The following CHRM3 variants were observed in gnomAD, a reference collection of about 807,000 sequenced individuals.
The protein encoded by CHRM3 is cholinergic receptor muscarinic 3, also known as muscarinic acetylcholine receptor M3.
CHRM3 carries 11 observed loss-of-function variants against 41.8 expected under a neutral mutation model. That is an observed-to-expected ratio of 0.26 (90% confidence interval 0.17 to 0.44). The LOEUF (loss-of-function observed/expected upper bound fraction) is 0.44. Ranked by LOEUF, CHRM3 falls within the 20% of genes least tolerant of loss-of-function variation. CHRM3 has a pLI of 1.00. For missense variants in CHRM3, 571 were observed against 745.4 expected (o/e 0.77, Z 2.72); for synonymous variants, 297 against 301.4 (o/e 0.99, Z 0.15).
chr1:239,529,936 CG>C (rs1558293325), intron 2 of CHRM3, among the ~76,000 whole-genome samples: 1 of 151,906 alleles, frequency 6.6e-6, no homozygotes, highest in Non-Finnish European at 1.5e-5. Context: ...CTCGCTCTGT[CG>C]CCCAGGCTGG....
intron 5 of CHRM3, among the ~76,000 whole-genome samples, chr1:239,755,547 C>T (rs1666173091): frequency 6.6e-6 from 1 of 152,102 alleles, no homozygotes; most frequent in Non-Finnish European, 1.5e-5. Context: ...TCAGATTGAC[C>T]ACAAAAGGAG....
intron 1 of CHRM3, among the ~76,000 whole-genome samples, chr1:239,470,320 C>T (rs1666026440): frequency 1.3e-5 from 2 of 152,272 alleles, no homozygotes; most frequent in Admixed American, 1.3e-4. Context: ...GAAGAAACCA[C>T]TACTGCCCAC....
chr1:239,742,932 T>C (rs1664989018), intron 5 of CHRM3, among the ~76,000 whole-genome samples: 1 of 152,194 alleles, frequency 6.6e-6, no homozygotes, highest in Non-Finnish European at 1.5e-5. Flanking sequence ...CTAATCTTCA[T>C]CTACTGAAGA....
At chr1:239,700,609 A>G (rs536818780) in intron 5 of CHRM3, among the ~76,000 whole-genome samples, 2 of 152,220 alleles carry the variant, frequency 1.3e-5, no homozygotes, top group South Asian at 2.1e-4. Context: ...CCCCTGCAGC[A>G]TATGCCTTTA....
intron 3 of CHRM3, among the ~76,000 whole-genome samples, chr1:239,563,144 G>T (rs1008313776): frequency 2.6e-5 from 4 of 151,860 alleles, no homozygotes; most frequent in Admixed American, 6.6e-5. Flanking sequence ...AGGTTTCACT[G>T]CCTTCTCAAG....
Position 239,913,372 on chromosome 1 carries a change from C to G in CHRM3, c.*4148C>G, listed in dbSNP as rs1353099213. The G allele has an allele frequency of 6.0e-6, 1 of 166,940 alleles. No homozygotes were observed. Among genetic ancestry groups the G allele is most frequent in the Non-Finnish European group, 1.5e-5 (1 of 68,096 alleles). 10.3% of individuals were successfully genotyped at this position (166,940 alleles called of 1,614,324 possible). On this transcript the variant is annotated 3_prime_UTR_variant, in exon 7 of 7. Coordinates refer to ENST00000676153, the MANE Select transcript of CHRM3 (RefSeq NM_001375978.1). ...GTTATTTTTTTTTAACCTAAAGAACCCTACTTCTAGCACCTCCTCTGAAAG... is the reference window on the plus strand; with the variant it reads ...GTTATTTTTTTTTAACCTAAAGAACGCTACTTCTAGCACCTCCTCTGAAAG...
At chr1:239,424,611 A>C (rs2103121388) in intron 1 of CHRM3, among the ~76,000 whole-genome samples, 1 of 152,358 alleles carries the variant, frequency 6.6e-6, no homozygotes, top group South Asian at 2.1e-4. Context: ...GTAACTGATA[A>C]ATTCTACAAA....
At chr1:239,492,304 C>A (rs1019368527) in intron 1 of CHRM3, among the ~76,000 whole-genome samples, 2 of 152,118 alleles carry the variant, frequency 1.3e-5, no homozygotes, top group Non-Finnish European at 1.5e-5. Context: ...CTGTTATGAC[C>A]CCTTTCTTCC....
intron 6 of CHRM3, among the ~76,000 whole-genome samples, chr1:239,838,197 GAAGAAAGGGGT>G (rs1673486542): frequency 6.6e-6 from 1 of 152,162 alleles, no homozygotes; most frequent in Non-Finnish European, 1.5e-5. Context: ...TATTTGGACT[GAAGAAAGGGGT>G]CTATCAGTGA....
rs1457838883 is a variant in CHRM3, at chr1:239,748,357, C to T, written c.-147+70069C>T. ...TACGATGCAGTCAGAATCTTATTGACACTTCTTTTTTAACTCTCAGACTGA... is the reference window on the plus strand; with the variant it reads ...TACGATGCAGTCAGAATCTTATTGATACTTCTTTTTTAACTCTCAGACTGA... On this transcript the variant is annotated intron_variant, in intron 5 of 6. Coordinates refer to ENST00000676153, the MANE Select transcript of CHRM3 (RefSeq NM_001375978.1). The surrounding 1 kb of genome is among the most constrained non-coding windows in gnomAD (Gnocchi z 4.3). Among the ~76,000 whole-genome samples, 1 of 152,128 alleles carries T rather than the reference C, an allele frequency of 6.6e-6. No individual in the cohort carries two copies. Among genetic ancestry groups the T allele is most frequent in the East Asian group, 1.9e-4 (1 of 5,192 alleles).
chr1:239,391,923 C>T (rs1290296142), intron 1 of CHRM3, among the ~76,000 whole-genome samples: 3 of 152,180 alleles, frequency 2.0e-5, no homozygotes, highest in Non-Finnish European at 4.4e-5. Flanking sequence ...ACAACCAGTG[C>T]AGAGTCTGTC....
At chr1:239,511,249 A>G (rs946259059) in intron 2 of CHRM3, among the ~76,000 whole-genome samples, 6 of 152,212 alleles carry the variant, frequency 3.9e-5, no homozygotes, top group Non-Finnish European at 8.8e-5. Flanking sequence ...TAATACTACC[A>G]ATAATTTGAA....
chr1:239,796,781 G>A (rs536613443), intron 5 of CHRM3, among the ~76,000 whole-genome samples: 14 of 152,230 alleles, frequency 9.2e-5, no homozygotes, highest in African/African-American at 3.4e-4. Flanking sequence ...TGGGCTTTTA[G>A]TGTGTCCCTC....
intron 5 of CHRM3, among the ~76,000 whole-genome samples, chr1:239,692,590 G>C (rs1168015356): frequency 6.6e-6 from 1 of 152,160 alleles, no homozygotes; most frequent in Non-Finnish European, 1.5e-5. Context: ...AATTTGAAGA[G>C]GGTTTGCAGG....
chr1:239,411,596 G>T (rs1661067447), intron 1 of CHRM3, among the ~76,000 whole-genome samples: 2 of 151,750 alleles, frequency 1.3e-5, no homozygotes, highest in African/African-American at 4.8e-5. Flanking sequence ...CTGGTGGCAT[G>T]CACATACAAT....
intron 4 of CHRM3, among the ~76,000 whole-genome samples, chr1:239,641,199 T>A (rs199653394): frequency 6.6e-6 from 1 of 152,184 alleles, no homozygotes; most frequent in East Asian, 1.9e-4. Context: ...GTGGTCAATT[T>A]TGGAATCGGT....
chr1:239,704,686 T>C (rs1486544949), intron 5 of CHRM3: 2 of 152,160 alleles, frequency 1.3e-5, no homozygotes, highest in Non-Finnish European at 2.9e-5. Context: ...CGAGGCTTAT[T>C]TATTGCCAGA....
chr1:239,749,547 A>G (rs1377834602), intron 5 of CHRM3, among the ~76,000 whole-genome samples: 1 of 152,126 alleles, frequency 6.6e-6, no homozygotes, highest in Non-Finnish European at 1.5e-5. Flanking sequence ...ACGTGCCTGT[A>G]ATCACAGCTG....
rs1680472068 is a variant in CHRM3, at chr1:239,913,397, G to T, written c.*4173G>T. 6.0e-6 allele frequency: 1 copy of T among 166,992 alleles called. No homozygotes were observed. The highest frequency in any genetic ancestry group is 1.5e-5 in the Non-Finnish European group (1 of 68,096). The allele number at this position is 166,992 out of a possible 1,614,324, so 10.3% of individuals were successfully genotyped here. A position where few individuals can be genotyped will look rare whatever the true frequency, so the allele number is the denominator to read the frequency against. On this transcript the variant is annotated 3_prime_UTR_variant, in exon 7 of 7. Coordinates refer to ENST00000676153, the MANE Select transcript of CHRM3 (RefSeq NM_001375978.1). ...CCTACTTCTAGCACCTCCTCTGAAAGAATATTTTGCTCCAATACCACGTGC... is the reference window on the plus strand; with the variant it reads ...CCTACTTCTAGCACCTCCTCTGAAATAATATTTTGCTCCAATACCACGTGC...
Sources: allele counts gnomAD v4.1 joint callset (sites outside exome capture counted in the v4.1 genomes callset), GRCh38; gene constraint gnomAD v4.1.1; non-coding constraint Gnocchi (gnomAD v3.1); transcripts MANE v1.5; gene names NCBI Gene and HGNC (gene_info 2026-07-23, HGNC 2026-07-21).